CELF4: variants seen among roughly 807,000 people sequenced by gnomAD.
The protein encoded by CELF4 is CUGBP Elav-like family member 4.
A neutral mutation model predicts 59.9 loss-of-function variants in CELF4; 18 were observed. The observed-to-expected ratio is 0.30, with a 90% CI of 0.21 to 0.45. CELF4 has a LOEUF of 0.45. Among genes scored for constraint, CELF4 ranks in the 20% least tolerant of loss-of-function variants. The pLI is 1.00. For missense variants in CELF4, 456 were observed against 689.0 expected (o/e 0.66, Z 3.79); for synonymous variants, 261 against 267.1 (o/e 0.98, Z 0.22).
intron 2 of CELF4, among the ~76,000 whole-genome samples, chr18:37,331,907 G>A (rs2097557631): frequency 6.6e-6 from 1 of 152,148 alleles, no homozygotes; most frequent in African/African-American, 2.4e-5. Context: ...GATCTGGTGT[G>A]GCCATGGAGG....
intron 2 of CELF4, among the ~76,000 whole-genome samples, chr18:37,408,531 G>T (rs893718525): frequency 6.9e-6 from 1 of 144,874 alleles, no homozygotes; most frequent in Admixed American, 7.2e-5. Context: ...AGAGGAGGAA[G>T]CCTGGAGATT....
At chr18:37,481,023 T>C (rs943106927) in intron 2 of CELF4, among the ~76,000 whole-genome samples, 27 of 151,958 alleles carry the variant, frequency 1.8e-4, no homozygotes, top group Admixed American at 1.8e-3. Flanking sequence ...TCAAAGAAGG[T>C]CACATTGAAT....
At chr18:37,431,918 T>C (rs1245624937) in intron 2 of CELF4, among the ~76,000 whole-genome samples, 1 of 152,208 alleles carries the variant, frequency 6.6e-6, no homozygotes, top group Non-Finnish European at 1.5e-5. Context: ...ATTAAGCCCC[T>C]GAGTCCTTGG....
chr18:37,393,593 G>C (rs1037500901), intron 2 of CELF4, among the ~76,000 whole-genome samples: 1 of 152,172 alleles, frequency 6.6e-6, no homozygotes, highest in Non-Finnish European at 1.5e-5. Context: ...CACATCCCCC[G>C]AGGGGACCAA....
intron 3 of CELF4, among the ~76,000 whole-genome samples, chr18:37,314,366 G>A (rs975490678): frequency 1.3e-5 from 2 of 152,136 alleles, no homozygotes; most frequent in Admixed American, 6.5e-5. Flanking sequence ...GCGGCAGGAG[G>A]ATCGCTTAAA....
At chr18:37,416,038 A>G (rs902064723) in intron 2 of CELF4, among the ~76,000 whole-genome samples, 10 of 152,150 alleles carry the variant, frequency 6.6e-5, no homozygotes, top group African/African-American at 2.2e-4. Context: ...GAAGGTGGCA[A>G]AACAGCAAAG....
chr18:37,359,240 G>C (rs953273566), intron 2 of CELF4, among the ~76,000 whole-genome samples: 2 of 152,236 alleles, frequency 1.3e-5, no homozygotes, highest in African/African-American at 4.8e-5. Context: ...CCATGTGAGA[G>C]GATCTCAGAG....
intron 12 of CELF4, among the ~76,000 whole-genome samples, chr18:37,252,855 A>T (rs1005589958): frequency 6.6e-5 from 10 of 151,936 alleles, no homozygotes; most frequent in Non-Finnish European, 1.5e-4. Context: ...ATGGAGGAAC[A>T]TGGGCAGGGA....
At chr18:37,360,178 C>G (rs1250307224) in intron 2 of CELF4, among the ~76,000 whole-genome samples, 1 of 152,116 alleles carries the variant, frequency 6.6e-6, no homozygotes, top group Non-Finnish European at 1.5e-5. Flanking sequence ...CCTGCAGCTG[C>G]CTGTTTCTGG....
chr18:37,390,809 G>GGT (rs1160308283), intron 2 of CELF4, among the ~76,000 whole-genome samples: 4 of 139,230 alleles, frequency 2.9e-5, no homozygotes, highest in Admixed American at 1.4e-4. Flanking sequence ...GGGCGGGGAG[G>GGT]GGGGGCAGTG....
chr18:37,304,546 G>C (rs2096274361), intron 3 of CELF4, among the ~76,000 whole-genome samples: 1 of 148,140 alleles, frequency 6.8e-6, no homozygotes, highest in Non-Finnish European at 1.5e-5. Flanking sequence ...AAAGAATGAA[G>C]AACAAAGAGC....
chr18:37,349,180 T>G (rs2098380697), intron 2 of CELF4, among the ~76,000 whole-genome samples: 1 of 152,220 alleles, frequency 6.6e-6, no homozygotes, highest in Non-Finnish European at 1.5e-5. Flanking sequence ...AACTCAGAGA[T>G]AGCGCAGGCG....
At chr18:37,312,072 C>CT (rs2096678128) in intron 3 of CELF4, among the ~76,000 whole-genome samples, 1 of 137,762 alleles carries the variant, frequency 7.3e-6, no homozygotes, top group South Asian at 2.2e-4. Context: ...TATCACGCCA[C>CT]TGCACTCCAG....
At chr18:37,311,855 T>C (rs1331986574) in intron 3 of CELF4, among the ~76,000 whole-genome samples, 3 of 148,064 alleles carry the variant, frequency 2.0e-5, no homozygotes, top group Middle Eastern at 3.9e-3. Flanking sequence ...CTTATGCCTA[T>C]AATCCCAGCA....
At chr18:37,287,765 A>G (rs2094942058) in intron 3 of CELF4, among the ~76,000 whole-genome samples, 1 of 152,248 alleles carries the variant, frequency 6.6e-6, no homozygotes, top group Non-Finnish European at 1.5e-5. Context: ...GACTGCAGAT[A>G]GACATAGAGA....
chr18:37,556,716 C>CT, intron 1 of CELF4, among the ~76,000 whole-genome samples: 1 of 152,148 alleles, frequency 6.6e-6, no homozygotes, highest in African/African-American at 2.4e-5. Context: ...TTGCTTGTCC[C>CT]TGTAAAGGGA....
At chr18:37,300,285 C>T (rs988876840) in intron 3 of CELF4, among the ~76,000 whole-genome samples, 3 of 151,628 alleles carry the variant, frequency 2.0e-5, no homozygotes, top group African/African-American at 7.3e-5. Flanking sequence ...AGTGCAGTGG[C>T]ATGGTCTCAG....
intron 7 of CELF4, among the ~76,000 whole-genome samples, chr18:37,271,470 G>T (rs991559288): frequency 2.0e-5 from 3 of 152,000 alleles, no homozygotes; most frequent in African/African-American, 7.2e-5. Flanking sequence ...TGGCCAAGCT[G>T]GTCTTGAACT....
At chr18:37,483,017 T>C (rs2099872567) in intron 2 of CELF4, among the ~76,000 whole-genome samples, 1 of 152,190 alleles carries the variant, frequency 6.6e-6, no homozygotes, top group Non-Finnish European at 1.5e-5. Context: ...CTGGGGCACC[T>C]AGTGTGGTCA....
Sources: gnomAD v4.1 joint callset for allele counts (sites outside exome capture counted in the v4.1 genomes callset) on GRCh38, gnomAD v4.1.1 for gene constraint, MANE v1.5 for transcripts, NCBI Gene and HGNC (gene_info 2026-07-23, HGNC 2026-07-21) for gene names.